Variants in FRMD4B observed in about 807,000 individuals in gnomAD.
FRMD4B encodes the protein FERM domain-containing protein 4B.
A neutral mutation model predicts 141.5 loss-of-function variants in FRMD4B; 74 were observed. The observed-to-expected ratio is 0.52, with a 90% CI of 0.43 to 0.63. The LOEUF is 0.63. Ranked by LOEUF, FRMD4B falls within the 30% of genes least tolerant of loss-of-function variation. The pLI, the probability that FRMD4B is intolerant of heterozygous loss-of-function variation, is 0.00. For missense variants in FRMD4B, 1,366 were observed against 1,253.4 expected, an observed-to-expected ratio of 1.09 and a Z score of -1.36; for synonymous variants, 506 against 467.9, an observed-to-expected ratio of 1.08 and a Z score of -1.05.
At chr3:69,231,305 T>C (rs575530962) in intron 7 of FRMD4B, among the ~76,000 whole-genome samples, 1 of 152,278 alleles carries the variant, frequency 6.6e-6, no homozygotes, top group African/African-American at 2.4e-5. Flanking sequence ...TTTCTCCTTA[T>C]TTTTTTCTCC....
chr3:69,485,019 G>A (rs369636817), intron 1 of FRMD4B, among the ~76,000 whole-genome samples: 20 of 152,060 alleles, frequency 1.3e-4, no homozygotes, highest in East Asian at 5.8e-4. Flanking sequence ...TCTGCCTCCC[G>A]TGACCATCCA....
chr3:69,236,032 C>A (rs749299962), intron 7 of FRMD4B, among the ~76,000 whole-genome samples: 6 of 152,134 alleles, frequency 3.9e-5, no homozygotes, highest in Non-Finnish European at 8.8e-5. Context: ...TAGGTGATGA[C>A]AGTCTGCGTT....
In FRMD4B at chr3:69,484,936, C is replaced by T. The variant is rs75918232; in HGVS notation, c.-128-52175G>A. 7.0e-3 allele frequency among the ~76,000 whole-genome samples: 1,072 copies of T among 152,090 alleles called. 3 individuals are homozygous for T. The highest frequency in any genetic ancestry group is 0.013 in the Admixed American group (193 of 15,280). On this transcript the variant is annotated intron_variant, in intron 1 of 5. Transcript: ENST00000459638. ...AGTAGGCAGGGCTGACAGCTCAGTT[C>T]CCAGGCTTCAGGTCTGCCCCAGCCT...
intron 7 of FRMD4B, among the ~76,000 whole-genome samples, chr3:69,224,975 T>G (rs1482936455): frequency 2.0e-5 from 3 of 152,214 alleles, no homozygotes; most frequent in African/African-American, 7.2e-5. Context: ...TTCTTCACAT[T>G]TCATTATCCA....
At chr3:69,531,358 A>C (rs1218728582) in intron 1 of FRMD4B, among the ~76,000 whole-genome samples, 2 of 152,116 alleles carry the variant, frequency 1.3e-5, no homozygotes, top group Admixed American at 1.3e-4. Context: ...GATAACCCCA[A>C]GTCAAGAAAA....
chr3:69,444,862 G>A (rs1190414031), intron 1 of FRMD4B, among the ~76,000 whole-genome samples: 3 of 152,220 alleles, frequency 2.0e-5, no homozygotes, highest in African/African-American at 7.2e-5. Flanking sequence ...GCTCTGTAAT[G>A]CTAAACTAGA....
intron 1 of FRMD4B, among the ~76,000 whole-genome samples, chr3:69,490,276 T>C (rs1399621692): frequency 6.6e-6 from 1 of 152,240 alleles, no homozygotes; most frequent in African/African-American, 2.4e-5. Flanking sequence ...GTTTCATCTA[T>C]CATGTGCTAC....
intron 1 of FRMD4B, among the ~76,000 whole-genome samples, chr3:69,537,590 A>G (rs1701107924): frequency 6.6e-6 from 1 of 152,206 alleles, no homozygotes; most frequent in Non-Finnish European, 1.5e-5. Context: ...TTTAATCAAT[A>G]TATCTGCCTT....
At chr3:69,212,601 A>G (rs1253180968) in intron 11 of FRMD4B, among the ~76,000 whole-genome samples, 2 of 152,140 alleles carry the variant, frequency 1.3e-5, no homozygotes. Context: ...GAAACTGTGA[A>G]CGTAAAGAAA....
intron 1 of FRMD4B, among the ~76,000 whole-genome samples, chr3:69,338,783 A>G (rs1702640526): frequency 6.6e-6 from 1 of 152,158 alleles, no homozygotes; most frequent in African/African-American, 2.4e-5. Context: ...CCAAACACCT[A>G]TGACACCAAA....
At chr3:69,513,237 T>C (rs569201905) in intron 1 of FRMD4B, among the ~76,000 whole-genome samples, 1 of 151,734 alleles carries the variant, frequency 6.6e-6, no homozygotes, top group South Asian at 2.1e-4. Flanking sequence ...AGCAATGTTG[T>C]AGAAATAAAA....
At chr3:69,270,569 CTTTTTT>C (rs57693333) in intron 5 of FRMD4B, among the ~76,000 whole-genome samples, 1,550 of 144,826 alleles carry the variant, frequency 0.011, 18 homozygotes, top group Middle Eastern at 0.018. Flanking sequence ...TTCTTTTTTT[CTTTTTT>C]TTTTTTTTTG....
At chr3:69,204,059 C>T (rs932270274) in intron 11 of FRMD4B, among the ~76,000 whole-genome samples, 2 of 152,056 alleles carry the variant, frequency 1.3e-5, no homozygotes, top group East Asian at 1.9e-4. Flanking sequence ...ATTTGCTCAC[C>T]GTTTCTGTAT....
chr3:69,540,876 C>G (rs1447980661), intron 1 of FRMD4B, among the ~76,000 whole-genome samples: 1 of 151,842 alleles, frequency 6.6e-6, no homozygotes, highest in Non-Finnish European at 1.5e-5. Context: ...AGGTTTACCA[C>G]TTCATGGATT....
intron 1 of FRMD4B, among the ~76,000 whole-genome samples, chr3:69,365,659 C>T (rs1703620980): frequency 6.6e-6 from 1 of 151,982 alleles, no homozygotes; most frequent in Non-Finnish European, 1.5e-5. Flanking sequence ...CTTCACCACG[C>T]CTGGCTAATT....
At chr3:69,503,612 T>C (rs1489596621) in intron 1 of FRMD4B, among the ~76,000 whole-genome samples, 3 of 151,998 alleles carry the variant, frequency 2.0e-5, no homozygotes, top group Non-Finnish European at 4.4e-5. Context: ...TGCAGCACAC[T>C]AATATGGCAC....
chr3:69,480,663 G>A (rs1706104290), intron 1 of FRMD4B, among the ~76,000 whole-genome samples: 1 of 152,180 alleles, frequency 6.6e-6, no homozygotes, highest in Admixed American at 6.5e-5. Flanking sequence ...CAGGGGTCAG[G>A]GACCCACTTG....
chr3:69,310,498 T>C (rs1426405597), intron 3 of FRMD4B: 2 of 455,488 alleles, frequency 4.4e-6, no homozygotes, highest in South Asian at 1.5e-5. Flanking sequence ...TCGGGCTGCA[T>C]AAAATGTAGG....
chr3:69,253,893 C>T (rs529737408), intron 5 of FRMD4B, among the ~76,000 whole-genome samples: 5 of 152,018 alleles, frequency 3.3e-5, no homozygotes, highest in African/African-American at 4.8e-5. Flanking sequence ...TTTGAGATCA[C>T]GCACCATAGC....
Sources: allele counts gnomAD v4.1 joint callset (sites outside exome capture counted in the v4.1 genomes callset), GRCh38; gene constraint gnomAD v4.1.1; transcripts MANE v1.5; gene names NCBI Gene and HGNC (gene_info 2026-07-23, HGNC 2026-07-21).